Variants in SLC39A5 observed in about 807,000 individuals in gnomAD.
SLC39A5 encodes zinc transporter ZIP5.
SLC39A5 carries 42 observed loss-of-function variants against 46.9 expected under a neutral mutation model. The observed-to-expected ratio is 0.90, with a 90% CI of 0.70 to 1.16. The LOEUF (loss-of-function observed/expected upper bound fraction) is 1.16. Ranked by LOEUF, SLC39A5 falls within the 50% of genes most tolerant of loss-of-function variation. The pLI is 0.00. For missense variants in SLC39A5, 677 were observed against 686.8 expected, an observed-to-expected ratio of 0.99 and a Z score of 0.16; for synonymous variants, 311 against 323.1, an observed-to-expected ratio of 0.96 and a Z score of 0.40.
Position 56,237,252 on chromosome 12 carries a change from TG to T in SLC39A5, c.1395del (p.Leu466SerfsTer61). ...GGATTGGGGGGTGCAGTCCTGGGGG[TG>T]GGGCTCAGCCTGGGCCCTGTCCCCC... ...ALGLGGAVLGVGLSLGPVPLT... is the reference protein window; with the variant it reads ...ALGLGGAVLGXGLSLGPVPLT... On this transcript the variant is annotated frameshift_variant, in exon 12 of 13. Transcript: ENST00000454355. LOFTEE classifies it high-confidence loss of function. The T allele has an allele frequency of 6.2e-7, 1 of 1,613,454 alleles. No individual in the cohort carries two copies. Among genetic ancestry groups the T allele is most frequent in the Non-Finnish European group, 8.5e-7 (1 of 1,179,858 alleles).
chr12:56,237,460 C>G, intron 12 of SLC39A5, 120 bp downstream of exon 12: 3 of 1,539,858 alleles, frequency 1.9e-6, no homozygotes, highest in South Asian at 2.5e-5. Flanking sequence ...ACCATAGGCC[C>G]GCAAAAGTCT....
intron 7 of SLC39A5, 98 bp from the exon 8 acceptor site, chr12:56,235,462 T>C: frequency 6.6e-7 from 1 of 1,525,544 alleles, no homozygotes; most frequent in South Asian, 1.3e-5. Context: ...AGCTGCCTTC[T>C]AGTAGAGCAT....
rs1870817926 is a variant in SLC39A5, at chr12:56,236,753, G to A, written c.1207+7G>A. On this transcript the variant is annotated splice_region_variant and intron_variant, in intron 10 of 12. Transcript: ENST00000454355. The stretch of plus-strand genomic sequence containing the variant: ...ACTGATGGGCTGGCCATAGGTGTGA[G>A]GGGTGGGAACGGAGGGAAGCAGGTC... 1.9e-6 allele frequency: 3 copies of A among 1,593,016 alleles called. No individual in the cohort carries two copies. The highest frequency in any genetic ancestry group is 2.6e-6 in the Non-Finnish European group (3 of 1,167,406).
chr12:56,236,440 G>A lies in SLC39A5; in HGVS notation c.990G>A (p.Leu330=). ...RKRRNLETRN[L]DPENGSGMAL... The stretch of plus-strand genomic sequence containing the variant: ...GAAGGAATCTCGAAACACGCAACTT[G>A]GATCCGGAGAATGGCAGTGGGATGG... Residue 330 remains leucine (L), a synonymous_variant, in exon 9 of 13, where the codon TTG becomes TTA. Coordinates refer to ENST00000454355, the MANE Select transcript of SLC39A5 (RefSeq NM_173596.3). 6.2e-7 allele frequency: 1 copy of A among 1,614,242 alleles called. No homozygotes were observed. The highest frequency in any genetic ancestry group is 8.5e-7 in the Non-Finnish European group (1 of 1,180,046).
In SLC39A5 at chr12:56,235,712, C is replaced by G. The variant is rs1384290389; in HGVS notation, c.945+12C>G. ...GAGGGCTCAGGCCAGTGAGTGATAC[C>G]CTTTTCTCCTCCTTCTGCTGAGACC... On this transcript the variant is annotated intron_variant, in intron 8 of 12. Transcript: ENST00000454355. The G allele has an allele frequency of 2.5e-6, 4 of 1,613,660 alleles. No homozygotes were observed. Among genetic ancestry groups the G allele is most frequent in the Admixed American group, 1.7e-5 (1 of 59,994 alleles).
rs1361106005 is a variant in SLC39A5 at position 56,236,419 on chromosome 12, G to C, written c.969G>C (p.Arg323Ser). ...LRPRCCRRKRRNLETRNLDPE... is the reference protein window; with the variant it reads ...LRPRCCRRKRSNLETRNLDPE... ...AGAGATGCTGCAGGCGAAAACGAAG[G>C]AATCTCGAAACACGCAACTTGGATC... The change falls in exon 9 of 13, where the codon AGG (arginine) becomes AGC (serine). Residue 323 changes from arginine (R) to serine (S), a missense_variant. Arg to Ser is a moderately radical substitution (Grantham distance 110, BLOSUM62 -1). Coordinates refer to ENST00000454355, the MANE Select transcript of SLC39A5 (RefSeq NM_173596.3). The C allele has an allele frequency of 6.2e-7, 1 of 1,614,124 alleles. No homozygotes were observed. The highest frequency in any genetic ancestry group is 8.5e-7 in the Non-Finnish European group (1 of 1,180,054).
chr12:56,232,583 C>T, intron 4 of SLC39A5, 106 bp from the exon 5 acceptor site: 3 of 972,528 alleles, frequency 3.1e-6, no homozygotes, highest in East Asian at 5.8e-5. Flanking sequence ...CCAGGATCTC[C>T]AGTCAGTGGC....
chr12:56,232,966 T>G (rs7961437), intron 5 of SLC39A5, 94 bp downstream of exon 5: 5 of 1,348,504 alleles, frequency 3.7e-6, no homozygotes, highest in Non-Finnish European at 5.0e-6. Context: ...GTTTTGTTTT[T>G]AAATCCCAAC....
intron 10 of SLC39A5, 34 bp downstream of exon 10, chr12:56,236,780 G>C: frequency 6.3e-7 from 1 of 1,580,552 alleles, no homozygotes; most frequent in Non-Finnish European, 8.6e-7. Context: ...AAGCAGGTCC[G>C]AGGGGAGGCC....
rs758434362 is a variant in SLC39A5 at position 56,235,225 on chromosome 12, C to T, written c.703C>T (p.Arg235Trp). The change falls in exon 7 of 13, where the codon CGG becomes TGG. Residue 235 changes from arginine (R) to tryptophan (W), a missense_variant. Transcript: ENST00000454355. ...TTCTCCCCTATCCCTGCTGCTGCTG[C>T]GGCTCCTGGGACCTCGTCTACTACG... ...LPSPLSLLLL[R>W]LLGPRLLRPL... is the part of the protein sequence containing the mutation. 2.6e-5 allele frequency: 41 copies of T among 1,584,780 alleles called. No homozygotes were observed. Among genetic ancestry groups the T allele is most frequent in the Middle Eastern group, 1.7e-4 (1 of 5,932 alleles).
At chr12:56,234,594 C>T (rs1295772) in intron 5 of SLC39A5, among the ~76,000 whole-genome samples, 122,217 of 151,854 alleles carry the variant, frequency 0.8, 52,386 homozygotes, top group South Asian at 0.98. Context: ...GGATTACAGG[C>T]GTGAGCCACC....
Position 56,235,674 on chromosome 12 carries a change from C to G in SLC39A5, c.919C>G (p.Leu307Val), listed in dbSNP as rs759529973. Residue 307 changes from leucine (L) to valine (V), a missense_variant, in exon 8 of 13, where the codon CTT (leucine) becomes GTT (valine). Leu to Val is a conservative substitution (Grantham distance 32). Coordinates refer to ENST00000454355, the MANE Select transcript of SLC39A5 (RefSeq NM_173596.3). ...CTTTGTGCTGGAGAACATGCTGGGG[C>G]TTTTGCGGCACCGAGGGCTCAGGCC... ...LLFVLENMLG[L>V]LRHRGLRPRC... 1 of 1,614,088 alleles carries G rather than the reference C, an allele frequency of 6.2e-7. No homozygotes were observed. Among genetic ancestry groups the G allele is most frequent in the Non-Finnish European group, 8.5e-7 (1 of 1,180,012 alleles).
In SLC39A5 at chr12:56,235,039, A is replaced by G. The variant is rs550788529; in HGVS notation, c.634+53A>G. On this transcript the variant is annotated intron_variant, in intron 6 of 12. Transcript: ENST00000454355. ...ACCCTGAATCCTGGAAGTGGGGCCC[A>G]TGCCAAAAAGGAGGCTCACTGGGGT... 1,441 of 1,605,612 alleles carry G rather than the reference A, an allele frequency of 9.0e-4. 3 individuals are homozygous for G. The highest frequency in any genetic ancestry group is 2.1e-3 in the Admixed American group (127 of 59,546).
At chr12:56,230,945 T>G in intron 3 of SLC39A5, 72 bp downstream of exon 3, 3 of 276,148 alleles carry the variant, frequency 1.1e-5, no homozygotes, top group East Asian at 6.7e-5. Flanking sequence ...TGGGGCAAAG[T>G]TGAGGGGTGG....
In SLC39A5 at chr12:56,235,669, TG is replaced by T; in HGVS notation, c.918del (p.Leu307PhefsTer96). Reference protein sequence around the residue: ...LFLLFVLENMLGLLRHRGLRP... With the variant: ...LFLLFVLENMXGLLRHRGLRP... ...CTGCTCTTTGTGCTGGAGAACATGC[TG>T]GGGCTTTTGCGGCACCGAGGGCTCA... is the stretch of plus-strand genomic sequence containing the variant. On this transcript the variant is annotated frameshift_variant, in exon 8 of 13. Transcript: ENST00000454355. LOFTEE classifies it high-confidence loss of function. 6.2e-7 allele frequency: 1 copy of T among 1,614,098 alleles called. No homozygotes were observed. Among genetic ancestry groups the T allele is most frequent in the African/African-American group, 1.3e-5 (1 of 75,042 alleles).
At chr12:56,236,782 G>T (rs1565602613) in intron 10 of SLC39A5, 36 bp downstream of exon 10, 1 of 1,578,670 alleles carries the variant, frequency 6.3e-7, no homozygotes, top group African/African-American at 1.3e-5. Context: ...GCAGGTCCGA[G>T]GGGAGGCCAG....
rs1870967282 is a variant in SLC39A5 at position 56,237,699 on chromosome 12, G to A, written c.1591G>A (p.Glu531Lys). Residue 531 changes from glutamate to lysine, a missense_variant, in exon 13 of 13, where the codon GAG becomes AAG. Glu to Lys is a moderately conservative substitution (Grantham distance 56). Coordinates refer to ENST00000454355, the MANE Select transcript of SLC39A5 (RefSeq NM_173596.3). ...CATGCTTGCCATAACCCTGCTGGAG[G>A]AGCGGCTACTGCCCGTGACCACTGA... ...GLMLAITLLE[E>K]RLLPVTTEG 1 of 1,590,408 alleles carries A rather than the reference G, an allele frequency of 6.3e-7. No homozygotes were observed. Among genetic ancestry groups the A allele is most frequent in the East Asian group, 2.2e-5 (1 of 44,576 alleles).
At chr12:56,233,198 G>A (rs149674448) in intron 5 of SLC39A5, among the ~76,000 whole-genome samples, 2 of 142,178 alleles carry the variant, frequency 1.4e-5, no homozygotes, top group African/African-American at 5.2e-5. Flanking sequence ...GGGAGGCAGA[G>A]GTTGCAGTGA....
intron 5 of SLC39A5, 115 bp downstream of exon 5, chr12:56,232,987 C>A (rs532007874): frequency 9.2e-6 from 10 of 1,091,196 alleles, no homozygotes; most frequent in Admixed American, 2.9e-5. Flanking sequence ...GTGGACCAAG[C>A]GTGGTGGCTC....
Sources: allele counts gnomAD v4.1 joint callset (sites outside exome capture counted in the v4.1 genomes callset), GRCh38; gene constraint gnomAD v4.1.1; transcripts MANE v1.5; gene names NCBI Gene and HGNC (gene_info 2026-07-23, HGNC 2026-07-21).